DIP2A: variants seen among roughly 807,000 people sequenced by gnomAD.
DIP2A encodes the protein disco-interacting protein 2 homolog A.
A neutral mutation model predicts 177.4 loss-of-function variants in DIP2A; 85 were observed. The observed-to-expected ratio is 0.48, with a 90% CI of 0.40 to 0.57. DIP2A has a LOEUF of 0.57. Ranked by LOEUF, DIP2A falls within the 20% of genes least tolerant of loss-of-function variation. The pLI is 0.00. For missense variants in DIP2A, 1,791 were observed against 2,100.2 expected (o/e 0.85, Z 2.88); for synonymous variants, 886 against 881.8 (o/e 1.00, Z -0.08).
Position 46,567,627 on chromosome 21 carries a change from A to G in DIP2A, c.*5A>G. 1.3e-6 allele frequency: 2 copies of G among 1,577,646 alleles called. No individual in the cohort carries two copies. The highest frequency in any genetic ancestry group is 1.7e-6 in the Non-Finnish European group (2 of 1,159,482). ...TATGTCGCCTACAACATGTGAGCGCAGCACACCGGCCCAGGTGCCGGAGAT... is the reference window on the plus strand; with the variant it reads ...TATGTCGCCTACAACATGTGAGCGCGGCACACCGGCCCAGGTGCCGGAGAT... On this transcript the variant is annotated 3_prime_UTR_variant, in exon 38 of 38. Coordinates refer to ENST00000417564, the MANE Select transcript of DIP2A (RefSeq NM_015151.4).
intron 32 of DIP2A, 84 bp downstream of exon 32, chr21:46,558,477 T>G (rs2060551056): frequency 7.4e-7 from 1 of 1,356,942 alleles, no homozygotes; most frequent in Non-Finnish European, 1.0e-6. Context: ...TGTGCCGTTT[T>G]GTAGCCGCCT....
chr21:46,560,794 C>T lies in DIP2A; in HGVS notation c.4031+11C>T. 4 of 1,600,778 alleles carry T rather than the reference C, an allele frequency of 2.5e-6. No homozygotes were observed. Among genetic ancestry groups the T allele is most frequent in the Non-Finnish European group, 3.4e-6 (4 of 1,173,936 alleles). On this transcript the variant is annotated intron_variant, in intron 33 of 37. Transcript: ENST00000417564. ...ACTGCGCCATGACAGGTAATGCTCCCAGCCTGCCTGGGCCCCATGGATACC... is the reference window on the plus strand; with the variant it reads ...ACTGCGCCATGACAGGTAATGCTCCTAGCCTGCCTGGGCCCCATGGATACC...
intron 1 of DIP2A, among the ~76,000 whole-genome samples, chr21:46,469,910 CAG>C (rs2055197564): frequency 6.6e-6 from 1 of 152,144 alleles, no homozygotes; most frequent in Admixed American, 6.5e-5. Context: ...CAGGGCAGGT[CAG>C]GGGCCAGGAT....
chr21:46,473,096 A>G (rs1171148448), intron 1 of DIP2A, among the ~76,000 whole-genome samples: 2 of 152,234 alleles, frequency 1.3e-5, no homozygotes, highest in Non-Finnish European at 2.9e-5. Flanking sequence ...AAGGCTTCCT[A>G]TTAACAAGAA....
At chr21:46,510,179 TG>T (rs2058238356) in intron 7 of DIP2A, among the ~76,000 whole-genome samples, 2 of 152,174 alleles carry the variant, frequency 1.3e-5, no homozygotes, top group South Asian at 4.1e-4. Context: ...CTGAAGTACT[TG>T]GAATCCAATG....
At chr21:46,473,474 G>T (rs896268686) in intron 1 of DIP2A, among the ~76,000 whole-genome samples, 1 of 147,248 alleles carries the variant, frequency 6.8e-6, no homozygotes, top group East Asian at 2.1e-4. Flanking sequence ...AAAAGGGGGG[G>T]GGGCCATGGC....
chr21:46,546,317 C>T (rs2060037282), intron 20 of DIP2A: 16 of 1,047,046 alleles, frequency 1.5e-5, no homozygotes, highest in Non-Finnish European at 1.6e-5. Context: ...CATCTTGGCC[C>T]AGTGTTTCTC....
chr21:46,521,826 C>A (rs2058836634), intron 8 of DIP2A, among the ~76,000 whole-genome samples: 1 of 152,242 alleles, frequency 6.6e-6, no homozygotes, highest in African/African-American at 2.4e-5. Context: ...CTTGCTCAAA[C>A]CTTCAGCATT....
chr21:46,545,092 T>C lies in DIP2A; in HGVS notation c.2177-45T>C, dbSNP rs780479067. 17 of 1,542,516 alleles carry C rather than the reference T, an allele frequency of 1.1e-5. No individual in the cohort carries two copies. In the African/African-American group the frequency reaches 1.4e-4, roughly 12 times the overall value. ...CAAGGAGATCTTTGTGAGTGATCCATTTAAACACGTTCTTGATAATTTTGA... is the reference window on the plus strand; with the variant it reads ...CAAGGAGATCTTTGTGAGTGATCCACTTAAACACGTTCTTGATAATTTTGA... On this transcript the variant is annotated intron_variant, in intron 18 of 37. Coordinates refer to ENST00000417564, the MANE Select transcript of DIP2A (RefSeq NM_015151.4).
In DIP2A at chr21:46,504,341, G is replaced by T; in HGVS notation, c.656-20G>T. 1 of 1,613,036 alleles carries T rather than the reference G, an allele frequency of 6.2e-7. No individual in the cohort carries two copies. ...TGACTTAACAGCCACTTTCATTTTG[G>T]GTGTGTTTTTCAAAAGCAGATCTGC... is the stretch of plus-strand genomic sequence containing the variant. On this transcript the variant is annotated intron_variant, in intron 5 of 37. Transcript: ENST00000417564.
In DIP2A at chr21:46,492,030, G is replaced by A. The variant is rs933246358; in HGVS notation, c.283+1311G>A. Among the ~76,000 whole-genome samples, 8 of 152,108 alleles carry A rather than the reference G, an allele frequency of 5.3e-5. No individual in the cohort carries two copies. In the South Asian group the frequency reaches 1.2e-3, roughly 24 times the overall value. On this transcript the variant is annotated intron_variant, in intron 3 of 37. Transcript: ENST00000417564. ...TTAAATTGATAGTGCTTTTGTTCTT[G>A]TGTTTAAGATATCTTTGCCTAACCC...
Position 46,566,567 on chromosome 21 carries a change from C to G in DIP2A, c.4347C>G (p.His1449Gln). Residue 1449 changes from histidine (H) to glutamine (Q), a missense_variant, in exon 37 of 38, where the codon CAC (histidine) becomes CAG (glutamine). Transcript: ENST00000417564. ...TELTDASGGR[H>Q]DALYVVGSLD... ...AACACACACTGTTCACAGGGCGGCA[C>G]GATGCACTGTATGTGGTTGGGTCTC... The G allele has an allele frequency of 6.8e-6, 11 of 1,614,018 alleles. No individual in the cohort carries two copies. Among genetic ancestry groups the G allele is most frequent in the Non-Finnish European group, 9.3e-6 (11 of 1,179,922 alleles).
At position 46,544,375 on chromosome 21, in the gene DIP2A, G is replaced by A. The variant is rs1228804922; in HGVS notation, c.2177-762G>A. ...GGCAGACAGGTCGTTTGTCAGTAGA[G>A]GGTGGTTCATTGGGGAACTTACAGA... On this transcript the variant is annotated intron_variant, in intron 18 of 37. Coordinates refer to ENST00000417564, the MANE Select transcript of DIP2A (RefSeq NM_015151.4). Among the ~76,000 whole-genome samples the A allele has an allele frequency of 2.6e-5, 4 of 152,168 alleles. No individual in the cohort carries two copies. In the South Asian group the frequency reaches 6.2e-4, roughly 24 times the overall value.
At chr21:46,560,665 A>G in intron 32 of DIP2A, 57 bp from the exon 33 acceptor site, 2 of 1,562,732 alleles carry the variant, frequency 1.3e-6, no homozygotes, top group Non-Finnish European at 1.7e-6. Context: ...GTACCTGTAG[A>G]AACAAGATGT....
intron 1 of DIP2A, among the ~76,000 whole-genome samples, chr21:46,471,067 G>T (rs901309077): frequency 6.6e-6 from 1 of 152,006 alleles, no homozygotes; most frequent in Non-Finnish European, 1.5e-5. Flanking sequence ...ATTTAATCTC[G>T]CTCTGTTGCC....
intron 1 of DIP2A, among the ~76,000 whole-genome samples, chr21:46,480,073 GT>G (rs897897788): frequency 8.0e-4 from 88 of 109,392 alleles, no homozygotes; most frequent in Non-Finnish European, 1.2e-3. Flanking sequence ...TTTTTTTTTT[GT>G]GTGGCATCTG....
At chr21:46,580,476 A>T in the DIP2A span, among the ~76,000 whole-genome samples, 1 of 152,178 alleles carries the variant, frequency 6.6e-6, no homozygotes, top group Non-Finnish European at 1.5e-5. Context: ...TGTGAATTTG[A>T]TCCTGTCATC....
chr21:46,477,564 T>TGTGTGTGTGTGTGC (rs2055984103), intron 1 of DIP2A, among the ~76,000 whole-genome samples: 2 of 135,498 alleles, frequency 1.5e-5, no homozygotes, highest in Non-Finnish European at 3.2e-5. Flanking sequence ...TGTGTGTGTG[T>TGTGTGTGTGTGTGC]GTGTATTTCT....
chr21:46,554,483 C>A, intron 26 of DIP2A, 92 bp from the exon 27 acceptor site: 3 of 1,554,450 alleles, frequency 1.9e-6, no homozygotes, highest in Non-Finnish European at 2.6e-6. Context: ...CCCCCAGCAC[C>A]ACCTCCCCTC....
Sources: allele counts gnomAD v4.1 joint callset (sites outside exome capture counted in the v4.1 genomes callset), GRCh38; gene constraint gnomAD v4.1.1; transcripts MANE v1.5; gene names NCBI Gene and HGNC (gene_info 2026-07-23, HGNC 2026-07-21).